LINGO2: variants seen among roughly 807,000 people sequenced by gnomAD.
The protein encoded by LINGO2 is leucine-rich repeat and immunoglobulin-like domain-containing nogo receptor-interacting protein 2.
A neutral mutation model predicts 30.6 loss-of-function variants in LINGO2; 14 were observed. The ratio of observed to expected loss-of-function variants is 0.46; its 90% CI spans 0.30 to 0.72. The LOEUF is 0.72. Ranked by LOEUF, LINGO2 falls within the 30% of genes least tolerant of loss-of-function variation. The probability of loss-of-function intolerance (pLI) is 0.07; values close to 1 mark genes in which losing one functional copy is unlikely to be tolerated. For synonymous variants in LINGO2, 317 were observed against 288.5 expected, an observed-to-expected ratio of 1.10 and a Z score of -1.00; for missense variants, 729 against 751.7, an observed-to-expected ratio of 0.97 and a Z score of 0.35.
chr9:28,368,062 A>G (rs992587564), intron 3 of LINGO2, among the ~76,000 whole-genome samples: 1 of 150,408 alleles, frequency 6.6e-6, no homozygotes. Flanking sequence ...CTGTATCTCT[A>G]TCTCTATCTC....
chr9:28,735,313 T>A, the LINGO2 span, among the ~76,000 whole-genome samples: 39 of 152,306 alleles, frequency 2.6e-4, no homozygotes, highest in Non-Finnish European at 4.1e-4. Context: ...TGCCATAAAT[T>A]TTAAAAATTA....
chr9:28,800,737 T>A, the LINGO2 span, among the ~76,000 whole-genome samples: 4,394 of 152,118 alleles, frequency 0.029, 193 homozygotes, highest in African/African-American at 0.099. Flanking sequence ...ATTCATCAAG[T>A]GAAGGAAAAT....
chr9:29,165,280 G>A, the LINGO2 span, among the ~76,000 whole-genome samples: 5 of 151,952 alleles, frequency 3.3e-5, no homozygotes, highest in African/African-American at 1.2e-4. Flanking sequence ...CATTTATTGA[G>A]TAACTATTAT....
intron 1 of LINGO2, among the ~76,000 whole-genome samples, chr9:28,636,434 C>T (rs954698979): frequency 6.6e-6 from 1 of 152,136 alleles, no homozygotes; most frequent in Non-Finnish European, 1.5e-5. Context: ...GTTTATAGTC[C>T]CACCAACAGT....
chr9:29,016,838 C>T, the LINGO2 span, among the ~76,000 whole-genome samples: 1 of 152,176 alleles, frequency 6.6e-6, no homozygotes, highest in Non-Finnish European at 1.5e-5. Flanking sequence ...CGATTTACCC[C>T]TTCTACATAT....
chr9:28,823,427 T>C, the LINGO2 span, among the ~76,000 whole-genome samples: 2 of 152,298 alleles, frequency 1.3e-5, no homozygotes, highest in African/African-American at 4.8e-5. Flanking sequence ...TCCAGATATG[T>C]AGCTCTTTTA....
chr9:29,071,280 C>T, the LINGO2 span, among the ~76,000 whole-genome samples: 156 of 150,544 alleles, frequency 1.0e-3, 1 homozygote, highest in African/African-American at 3.6e-3. Flanking sequence ...CAGCCTCAAA[C>T]TCCTGAGTTA....
intron 5 of LINGO2, among the ~76,000 whole-genome samples, chr9:27,955,827 A>G (rs1278221674): frequency 2.0e-5 from 3 of 152,132 alleles, no homozygotes; most frequent in Non-Finnish European, 1.5e-5. Context: ...TATAGTATTT[A>G]TAAGAAACAG....
At chr9:28,363,394 G>A (rs190072118) in intron 3 of LINGO2, among the ~76,000 whole-genome samples, 1 of 152,310 alleles carries the variant, frequency 6.6e-6, no homozygotes, top group East Asian at 1.9e-4. Context: ...TCAGGAAGGG[G>A]CAGTGGGCAA....
At chr9:29,084,889 C>T in the LINGO2 span, among the ~76,000 whole-genome samples, 1 of 151,910 alleles carries the variant, frequency 6.6e-6, no homozygotes, top group Non-Finnish European at 1.5e-5. Context: ...ATAGGAAGCA[C>T]TCAATATATT....
chr9:28,512,590 T>TA lies in LINGO2; in HGVS notation c.-364-36566_-364-36565insT, dbSNP rs1397492262. Among the ~76,000 whole-genome samples the TA allele has an allele frequency of 0.029, 49 of 1,696 alleles. 2 individuals carry two copies. In the East Asian group the frequency reaches 0.38, roughly 13 times the overall value. The allele number at this position is 1,696 out of a possible 152,430, so 1.1% of individuals were successfully genotyped here. On this transcript the variant is annotated intron_variant, in intron 1 of 5. Transcript: ENST00000379992. ...GGACAGAACTAACAGGATATATATG[T>TA]GTGTATATATATATATATATATATA...
the LINGO2 span, among the ~76,000 whole-genome samples, chr9:28,988,915 T>C: frequency 2.0e-5 from 3 of 152,354 alleles, no homozygotes; most frequent in South Asian, 6.2e-4. Context: ...TTTTCAAAAC[T>C]ATGTTCTGGT....
chr9:29,020,843 G>T, the LINGO2 span, among the ~76,000 whole-genome samples: 1 of 152,226 alleles, frequency 6.6e-6, no homozygotes, highest in African/African-American at 2.4e-5. Context: ...TGAGCAAAGG[G>T]TGGGGGGAAA....
At chr9:28,102,879 G>A (rs1256496462) in intron 4 of LINGO2, among the ~76,000 whole-genome samples, 2 of 152,120 alleles carry the variant, frequency 1.3e-5, no homozygotes, top group Non-Finnish European at 2.9e-5. Context: ...CCAGCACTTA[G>A]CAATGAACTA....
chr9:28,045,441 G>C (rs1235613645), intron 4 of LINGO2, among the ~76,000 whole-genome samples: 2 of 152,110 alleles, frequency 1.3e-5, no homozygotes, highest in Non-Finnish European at 2.9e-5. Context: ...TATTCTCTTT[G>C]CATATCTGAA....
At chr9:28,815,538 T>A in the LINGO2 span, among the ~76,000 whole-genome samples, 1 of 152,026 alleles carries the variant, frequency 6.6e-6, no homozygotes, top group Non-Finnish European at 1.5e-5. Context: ...TGCATACATG[T>A]TTGCACTCAC....
intron 2 of LINGO2, among the ~76,000 whole-genome samples, chr9:28,386,901 T>C (rs1313047167): frequency 6.6e-6 from 1 of 152,202 alleles, no homozygotes; most frequent in Non-Finnish European, 1.5e-5. Context: ...ATTTCTAATT[T>C]TTTAAAATTA....
chr9:28,569,748 T>C (rs1339620551), intron 1 of LINGO2, among the ~76,000 whole-genome samples: 1 of 151,952 alleles, frequency 6.6e-6, no homozygotes, highest in Non-Finnish European at 1.5e-5. Flanking sequence ...GATAATTGTA[T>C]AAATAAAATT....
intron 1 of LINGO2, among the ~76,000 whole-genome samples, chr9:28,500,907 G>A (rs1819856868): frequency 6.6e-6 from 1 of 152,050 alleles, no homozygotes; most frequent in African/African-American, 2.4e-5. Context: ...TATTAAATTA[G>A]TCTAAGGTAT....
Sources: gnomAD v4.1 joint callset for allele counts (sites outside exome capture counted in the v4.1 genomes callset) on GRCh38, gnomAD v4.1.1 for gene constraint, MANE v1.5 for transcripts, NCBI Gene and HGNC (gene_info 2026-07-23, HGNC 2026-07-21) for gene names.